Variants in ZDHHC14 observed in about 807,000 individuals in gnomAD.
The protein encoded by ZDHHC14 is palmitoyltransferase ZDHHC14.
In ZDHHC14, 16 loss-of-function variants were observed where a neutral mutation model predicts 47.7. That is an observed-to-expected ratio of 0.34 (90% confidence interval 0.23 to 0.51). The LOEUF (loss-of-function observed/expected upper bound fraction) is 0.51. Among genes scored for constraint, ZDHHC14 ranks in the 20% least tolerant of loss-of-function variants. The pLI, the probability that ZDHHC14 is intolerant of heterozygous loss-of-function variation, is 0.97. For synonymous variants in ZDHHC14, 293 were observed against 278.9 expected (o/e 1.05, Z -0.50); for missense variants, 515 against 662.5 (o/e 0.78, Z 2.44).
intron 2 of ZDHHC14, among the ~76,000 whole-genome samples, chr6:157,583,532 G>GT (rs1270720893): frequency 2.9e-4 from 33 of 112,470 alleles, no homozygotes; most frequent in African/African-American, 9.6e-4. Context: ...TTATTGTTCT[G>GT]CTTTTTTTGT....
At chr6:157,538,606 C>G (rs1319353618) in intron 1 of ZDHHC14, among the ~76,000 whole-genome samples, 1 of 152,190 alleles carries the variant, frequency 6.6e-6, no homozygotes, top group Non-Finnish European at 1.5e-5. Context: ...CAGTCTCACC[C>G]TCCAGGACTT....
At chr6:157,654,742 T>TG (rs1778007337) in intron 8 of ZDHHC14, among the ~76,000 whole-genome samples, 1 of 138,676 alleles carries the variant, frequency 7.2e-6, no homozygotes, top group Non-Finnish European at 1.5e-5. Context: ...TTCTCTCTCT[T>TG]TTTTTTTTTT....
intron 1 of ZDHHC14, among the ~76,000 whole-genome samples, chr6:157,445,146 T>A (rs1053066485): frequency 7.0e-4 from 74 of 105,010 alleles, no homozygotes; most frequent in Middle Eastern, 4.8e-3. Flanking sequence ...ACACACACAC[T>A]CTTCATATCT....
intron 3 of ZDHHC14, among the ~76,000 whole-genome samples, chr6:157,598,047 C>T (rs913161033): frequency 1.3e-5 from 2 of 152,182 alleles, no homozygotes; most frequent in African/African-American, 4.8e-5. Flanking sequence ...GCCTTCTGTC[C>T]CACAGTGTCT....
intron 2 of ZDHHC14, among the ~76,000 whole-genome samples, chr6:157,561,031 G>C (rs1365057726): frequency 2.0e-5 from 3 of 152,248 alleles, no homozygotes; most frequent in Non-Finnish European, 4.4e-5. Context: ...AAAATAGTCA[G>C]CATTTAAATG....
At chr6:157,510,845 A>G (rs1376946462) in intron 1 of ZDHHC14, among the ~76,000 whole-genome samples, 1 of 152,150 alleles carries the variant, frequency 6.6e-6, no homozygotes, top group Non-Finnish European at 1.5e-5. Flanking sequence ...CGAGTTTCCA[A>G]TGGCCTCTGC....
chr6:157,636,867 A>G (rs1777008741), intron 5 of ZDHHC14, among the ~76,000 whole-genome samples: 1 of 152,170 alleles, frequency 6.6e-6, no homozygotes, highest in Non-Finnish European at 1.5e-5. Flanking sequence ...AAGTACAGAG[A>G]CATTTCTTCG....
chr6:157,412,902 C>T (rs1165378688), intron 1 of ZDHHC14, among the ~76,000 whole-genome samples: 3 of 152,084 alleles, frequency 2.0e-5, no homozygotes, highest in Admixed American at 6.5e-5. Flanking sequence ...CTGTGGGATC[C>T]GTATTTTTTG....
chr6:157,506,164 G>A (rs1355497367), intron 1 of ZDHHC14, among the ~76,000 whole-genome samples: 5 of 152,186 alleles, frequency 3.3e-5, no homozygotes, highest in Admixed American at 1.3e-4. Flanking sequence ...TCATTTGTGT[G>A]ACTCAGCACA....
intron 1 of ZDHHC14, among the ~76,000 whole-genome samples, chr6:157,473,818 G>A (rs1382048371): frequency 6.6e-6 from 1 of 151,990 alleles, no homozygotes; most frequent in Non-Finnish European, 1.5e-5. Context: ...ACATGTGTAA[G>A]GTGTGTATGA....
At chr6:157,493,247 G>A (rs572796908) in intron 1 of ZDHHC14, among the ~76,000 whole-genome samples, 1 of 152,314 alleles carries the variant, frequency 6.6e-6, no homozygotes, top group African/African-American at 2.4e-5. Context: ...GAAAGGGGGA[G>A]GCGGAAAGGC....
intron 2 of ZDHHC14, among the ~76,000 whole-genome samples, chr6:157,555,942 C>T (rs1782440854): frequency 6.6e-6 from 1 of 152,180 alleles, no homozygotes; most frequent in Non-Finnish European, 1.5e-5. Flanking sequence ...AGGAGGGGAT[C>T]AGGAGGGATT....
intron 5 of ZDHHC14, 78 bp downstream of exon 5, chr6:157,632,960 C>G (rs893972687): frequency 4.5e-5 from 65 of 1,451,540 alleles, no homozygotes; most frequent in Non-Finnish European, 5.9e-5. Flanking sequence ...CACACCTCCT[C>G]ATCTTCTGCC....
chr6:157,445,144 A>ACACACT (rs376300431), intron 1 of ZDHHC14, among the ~76,000 whole-genome samples: 3,190 of 146,812 alleles, frequency 0.022, 57 homozygotes, highest in Non-Finnish European at 0.031. Flanking sequence ...ACACACACAC[A>ACACACT]CTCTTCATAT....
At chr6:157,639,839 T>C (rs1562523334) in intron 5 of ZDHHC14, among the ~76,000 whole-genome samples, 1 of 152,150 alleles carries the variant, frequency 6.6e-6, no homozygotes, top group Non-Finnish European at 1.5e-5. Flanking sequence ...GGAGCCGTGG[T>C]GAGTTCTGTC....
At chr6:157,505,380 C>A (rs1356590967) in intron 1 of ZDHHC14, among the ~76,000 whole-genome samples, 1 of 152,110 alleles carries the variant, frequency 6.6e-6, no homozygotes, top group Non-Finnish European at 1.5e-5. Flanking sequence ...GCTAAGTTTA[C>A]CATCATTTGC....
chr6:157,602,004 C>T (rs1053882372), intron 3 of ZDHHC14, among the ~76,000 whole-genome samples: 1 of 150,728 alleles, frequency 6.6e-6, no homozygotes, highest in African/African-American at 2.4e-5. Flanking sequence ...GAGATCAAGA[C>T]CATCCTGGCC....
At chr6:157,588,132 C>T (rs958556776) in intron 2 of ZDHHC14, among the ~76,000 whole-genome samples, 15 of 152,038 alleles carry the variant, frequency 9.9e-5, no homozygotes, top group Non-Finnish European at 1.3e-4. Flanking sequence ...TGGTGGTGCA[C>T]ACCTGTAGTC....
At chr6:157,404,192 A>G (rs905463909) in intron 1 of ZDHHC14, among the ~76,000 whole-genome samples, 2 of 152,156 alleles carry the variant, frequency 1.3e-5, no homozygotes, top group African/African-American at 4.8e-5. Flanking sequence ...GCTGGAGTGC[A>G]GTGGTGTGAT....
Sources: gnomAD v4.1 joint callset for allele counts (sites outside exome capture counted in the v4.1 genomes callset) on GRCh38, gnomAD v4.1.1 for gene constraint, MANE v1.5 for transcripts, NCBI Gene and HGNC (gene_info 2026-07-23, HGNC 2026-07-21) for gene names.